Variants in HEMK2 observed in about 807,000 individuals in gnomAD.
HEMK2 encodes the protein HemK methyltransferase 2, ETF1 glutamine and histone H4 lysine.
At chr21:28,725,104 C>T in the HEMK2 span, among the ~76,000 whole-genome samples, 82,736 of 152,020 alleles carry the variant, frequency 0.54, 24,789 homozygotes, top group East Asian at 0.84. Flanking sequence ...CTAAATCTCT[C>T]TATGTACACT....
the HEMK2 span, among the ~76,000 whole-genome samples, chr21:28,808,411 C>CAA: frequency 0.017 from 2,134 of 126,864 alleles, 60 homozygotes; most frequent in African/African-American, 0.057. Flanking sequence ...TCTACCCTTC[C>CAA]AAAAAAAAAA....
At chr21:28,738,028 T>C in the HEMK2 span, among the ~76,000 whole-genome samples, 2 of 152,192 alleles carry the variant, frequency 1.3e-5, no homozygotes, top group African/African-American at 4.8e-5. Context: ...GGCTGGAGGA[T>C]TGTTTCTTAG....
chr21:28,603,542 G>GAT, the HEMK2 span, among the ~76,000 whole-genome samples: 6 of 93,680 alleles, frequency 6.4e-5, no homozygotes, highest in South Asian at 1.1e-3. Context: ...TTTTACTGAG[G>GAT]ATATATATGT....
At chr21:28,872,424 A>C in the HEMK2 span, 1 of 152,196 alleles carries the variant, frequency 6.6e-6, no homozygotes, top group Non-Finnish European at 1.5e-5. Flanking sequence ...TGAGAAATGG[A>C]ATCTTTCACA....
chr21:28,867,731 C>T, the HEMK2 span, among the ~76,000 whole-genome samples: 1 of 152,192 alleles, frequency 6.6e-6, no homozygotes, highest in African/African-American at 2.4e-5. Flanking sequence ...TCCTTGGCCT[C>T]CCACAGTGCA....
the HEMK2 span, among the ~76,000 whole-genome samples, chr21:28,870,179 T>C: frequency 1.3e-5 from 2 of 151,786 alleles, no homozygotes; most frequent in Non-Finnish European, 2.9e-5. Context: ...ACAGAGAGTT[T>C]TGTTGTAGAC....
chr21:28,883,036 C>G, the HEMK2 span: 1 of 1,607,194 alleles, frequency 6.2e-7, no homozygotes, highest in African/African-American at 1.3e-5. Flanking sequence ...AGATACTACA[C>G]CAGACCCTGA....
the HEMK2 span, among the ~76,000 whole-genome samples, chr21:28,709,655 TCC>T: frequency 6.6e-6 from 1 of 152,118 alleles, no homozygotes; most frequent in Non-Finnish European, 1.5e-5. Context: ...TTGTCTGTCT[TCC>T]TTTCTTCCAC....
At chr21:28,861,255 A>G in the HEMK2 span, among the ~76,000 whole-genome samples, 1 of 152,230 alleles carries the variant, frequency 6.6e-6, no homozygotes, top group Admixed American at 6.5e-5. Context: ...GCACTCAACT[A>G]TCAAAGGCAA....
the HEMK2 span, chr21:28,671,306 G>GA: frequency 6.6e-6 from 1 of 152,194 alleles, no homozygotes; most frequent in Admixed American, 6.5e-5. Context: ...ACTGTTGGAA[G>GA]AAAGAGTAAA....
chr21:28,585,392 C>T, the HEMK2 span, among the ~76,000 whole-genome samples: 1 of 151,536 alleles, frequency 6.6e-6, no homozygotes, highest in Non-Finnish European at 1.5e-5. Flanking sequence ...ATAAATGTAT[C>T]ACCTTCAGTG....
the HEMK2 span, among the ~76,000 whole-genome samples, chr21:28,768,623 C>T: frequency 4.6e-5 from 7 of 152,086 alleles, no homozygotes; most frequent in South Asian, 4.1e-4. Flanking sequence ...AGATCCTCGT[C>T]GGTCTCCTCT....
chr21:28,635,690 C>A, the HEMK2 span, among the ~76,000 whole-genome samples: 1 of 152,054 alleles, frequency 6.6e-6, no homozygotes. Flanking sequence ...TATCACCTAG[C>A]CCTATTTTAA....
chr21:28,839,978 C>T, the HEMK2 span, among the ~76,000 whole-genome samples: 1 of 152,002 alleles, frequency 6.6e-6, no homozygotes, highest in Admixed American at 6.6e-5. Context: ...ACTATAAGGC[C>T]ATAGTTACCA....
chr21:28,882,579 T>C, the HEMK2 span, among the ~76,000 whole-genome samples: 1 of 149,812 alleles, frequency 6.7e-6, no homozygotes, highest in African/African-American at 2.5e-5. Context: ...GGAAAATGTT[T>C]ATGAGACGAA....
the HEMK2 span, among the ~76,000 whole-genome samples, chr21:28,733,541 A>G: frequency 6.6e-6 from 1 of 152,084 alleles, no homozygotes; most frequent in East Asian, 1.9e-4. Context: ...ACCTCTCTAC[A>G]GTTGAACCTG....
chr21:28,633,097 C>A, the HEMK2 span, among the ~76,000 whole-genome samples: 1 of 152,134 alleles, frequency 6.6e-6, no homozygotes, highest in Admixed American at 6.6e-5. Flanking sequence ...GATACACTCA[C>A]CCACTGGATG....
the HEMK2 span, among the ~76,000 whole-genome samples, chr21:28,682,970 A>G: frequency 2.0e-5 from 3 of 152,162 alleles, no homozygotes; most frequent in African/African-American, 7.2e-5. Context: ...TGGGTGCAGC[A>G]CACCAACATG....
At chr21:28,869,936 G>A in the HEMK2 span, among the ~76,000 whole-genome samples, 3 of 152,134 alleles carry the variant, frequency 2.0e-5, no homozygotes, top group African/African-American at 7.2e-5. Context: ...TTCAGAACTG[G>A]AACACTGCCA....
Sources: allele counts gnomAD v4.1 joint callset (sites outside exome capture counted in the v4.1 genomes callset), GRCh38; gene constraint gnomAD v4.1.1; transcripts MANE v1.5; gene names NCBI Gene and HGNC (gene_info 2026-07-23, HGNC 2026-07-21).